Variants in REM1 observed in about 807,000 individuals in gnomAD.
The protein encoded by REM1 is RRAD and GEM like GTPase 1.
In REM1, 20 loss-of-function variants were observed where a neutral mutation model predicts 27.0. The ratio of observed to expected loss-of-function variants is 0.74; its 90% CI spans 0.52 to 1.08. The LOEUF is 1.08. Among genes scored for constraint, REM1 ranks in the 50% least tolerant of loss-of-function variants. The probability of loss-of-function intolerance (pLI) is 0.00; values close to 1 mark genes in which losing one functional copy is unlikely to be tolerated. For synonymous variants in REM1, 159 were observed against 167.9 expected (o/e 0.95, Z 0.41); for missense variants, 405 against 407.0 (o/e 1.00, Z 0.04).
chr20:31,480,234 G>GACAGATAC (rs1348143349), intron 3 of REM1, among the ~76,000 whole-genome samples: 16 of 138,296 alleles, frequency 1.2e-4, no homozygotes, highest in African/African-American at 4.2e-4. Flanking sequence ...TAGATAGACA[G>GACAGATAC]ATACATACAT....
At position 31,484,452 on chromosome 20, in the gene REM1, T is replaced by C. The variant is rs1176591871; in HGVS notation, c.*22T>C. The C allele has an allele frequency of 6.8e-7, 1 of 1,462,438 alleles. No individual in the cohort carries two copies. The highest frequency in any genetic ancestry group is 9.0e-7 in the Non-Finnish European group (1 of 1,105,302). 90.6% of individuals were successfully genotyped at this position (1,462,438 alleles called of 1,614,324 possible). A position where few individuals can be genotyped will look rare whatever the true frequency, so the allele number is the denominator to read the frequency against. ...CTGAAGCCCCCCGCCCTTCTGAGAGTTGGCGGGTCACTGAGGTGCATTCTG... is the reference window on the plus strand; with the variant it reads ...CTGAAGCCCCCCGCCCTTCTGAGAGCTGGCGGGTCACTGAGGTGCATTCTG... On this transcript the variant is annotated 3_prime_UTR_variant, in exon 5 of 5. Coordinates refer to ENST00000201979, the MANE Select transcript of REM1 (RefSeq NM_014012.6).
chr20:31,480,725 A>G (rs1283727759), intron 3 of REM1, among the ~76,000 whole-genome samples: 3 of 152,188 alleles, frequency 2.0e-5, no homozygotes, highest in African/African-American at 7.2e-5. Context: ...CTCCAAAAAT[A>G]TTTGTGCAAT....
rs1980517763 is a variant in REM1, at chr20:31,476,669, G to T, written c.224G>T (p.Gly75Val). 1.2e-6 allele frequency: 2 copies of T among 1,614,166 alleles called. No homozygotes were observed. Among genetic ancestry groups the T allele is most frequent in the Non-Finnish European group, 1.7e-6 (2 of 1,180,024 alleles). The change falls in exon 2 of 5, where the codon GGC (glycine) becomes GTC (valine). Residue 75 changes from glycine to valine, a missense_variant. Physicochemically the swap from Gly to Val is moderately radical, Grantham distance 109 (BLOSUM62 -3). Transcript: ENST00000201979. ...TCTTCTGAATCCAGCGACTCTGAAG[G>T]CTCCTGGGAGGCTCTCTACCGTGTG... The part of the protein sequence containing the change: ...DWSSESSDSE[G>V]SWEALYRVVL...
chr20:31,477,723 G>A, intron 2 of REM1, 105 bp from the exon 3 acceptor site: 1 of 777,780 alleles, frequency 1.3e-6, no homozygotes, highest in South Asian at 1.5e-5. Context: ...GCGTTTCCGA[G>A]GACAAGTGGA....
intron 1 of REM1, among the ~76,000 whole-genome samples, 187 bp from the exon 2 acceptor site, chr20:31,476,040 T>A (rs757198802): frequency 9.2e-5 from 14 of 152,126 alleles, no homozygotes; most frequent in Admixed American, 2.0e-4. Context: ...TCATGTTCTG[T>A]GGCAAGGGCA....
intron 3 of REM1, among the ~76,000 whole-genome samples, chr20:31,481,167 G>A (rs1229496806): frequency 6.6e-6 from 1 of 152,140 alleles, no homozygotes; most frequent in East Asian, 1.9e-4. Context: ...CAGCTACTCA[G>A]GAAGCCGAGG....
chr20:31,476,360 G>C lies in REM1; in HGVS notation c.-86G>C, dbSNP rs1600573914. 1 of 1,087,462 alleles carries C rather than the reference G, an allele frequency of 9.2e-7. No homozygotes were observed. Among genetic ancestry groups the C allele is most frequent in the East Asian group, 2.4e-5 (1 of 42,186 alleles). 67.4% of individuals were successfully genotyped at this position (1,087,462 alleles called of 1,614,324 possible). ...GCAGCTCATCAGGACACTATAGAAAGAAGCAGCTCAAAGCAATTGGCTGAC... is the reference window on the plus strand; with the variant it reads ...GCAGCTCATCAGGACACTATAGAAACAAGCAGCTCAAAGCAATTGGCTGAC... On this transcript the variant is annotated 5_prime_UTR_variant, in exon 2 of 5. Coordinates refer to ENST00000201979, the MANE Select transcript of REM1 (RefSeq NM_014012.6).
chr20:31,477,462 C>T (rs982895855), intron 2 of REM1, among the ~76,000 whole-genome samples: 3 of 152,118 alleles, frequency 2.0e-5, no homozygotes, highest in Non-Finnish European at 2.9e-5. Context: ...CTTCTCTCTC[C>T]GAGTGAGAAC....
At chr20:31,482,136 A>T (rs1980752110) in intron 3 of REM1, 151 bp from the exon 4 acceptor site, 1 of 645,746 alleles carries the variant, frequency 1.5e-6, no homozygotes, top group Non-Finnish European at 2.6e-6. Context: ...TCCCAAGGTG[A>T]CACAGGGAAT....
In REM1 at chr20:31,476,727, C is replaced by A. The variant is rs1980522315; in HGVS notation, c.282C>A (p.Thr94=). The A allele has an allele frequency of 6.2e-7, 1 of 1,613,964 alleles. No homozygotes were observed. Among genetic ancestry groups the A allele is most frequent in the Non-Finnish European group, 8.5e-7 (1 of 1,179,948 alleles). The part of the protein sequence containing the change: ...VLLGDPGVGK[T]SLASLFAGKQ... ...TTGGAGATCCTGGAGTGGGGAAGAC[C>A]AGCTTGGCCAGCCTCTTTGCAGGGA... Residue 94 remains threonine, a synonymous_variant, in exon 2 of 5, where the codon ACC becomes ACA. Transcript: ENST00000201979.
At chr20:31,480,547 T>C (rs1980696667) in intron 3 of REM1, among the ~76,000 whole-genome samples, 1 of 152,086 alleles carries the variant, frequency 6.6e-6, no homozygotes, top group South Asian at 2.1e-4. Flanking sequence ...GGTCTCGAAC[T>C]CCTGACCTCA....
At chr20:31,477,728 A>C (rs1246441460) in intron 2 of REM1, 100 bp from the exon 3 acceptor site, 1 of 810,998 alleles carries the variant, frequency 1.2e-6, no homozygotes, top group African/African-American at 1.7e-5. Context: ...TCCGAGGACA[A>C]GTGGAGGGGG....
chr20:31,476,380 G>A lies in REM1; in HGVS notation c.-66G>A. 7.6e-7 allele frequency: 1 copy of A among 1,322,506 alleles called. No individual in the cohort carries two copies. Among genetic ancestry groups the A allele is most frequent in the Non-Finnish European group, 1.0e-6 (1 of 954,330 alleles). The allele number at this position is 1,322,506 out of a possible 1,614,324, so 81.9% of individuals were successfully genotyped here. ...AGAAAGAAGCAGCTCAAAGCAATTGGCTGACAGCCAATTCCCCCTTCTTTC... is the reference window on the plus strand; with the variant it reads ...AGAAAGAAGCAGCTCAAAGCAATTGACTGACAGCCAATTCCCCCTTCTTTC... On this transcript the variant is annotated 5_prime_UTR_variant, in exon 2 of 5. Transcript: ENST00000201979.
At chr20:31,477,319 C>G (rs1358604732) in intron 2 of REM1, among the ~76,000 whole-genome samples, 2 of 151,902 alleles carry the variant, frequency 1.3e-5, no homozygotes, top group Non-Finnish European at 2.9e-5. Context: ...TGATGGGGTA[C>G]AGGGAAGATA....
chr20:31,479,195 C>T lies in REM1; in HGVS notation c.423+1285C>T, dbSNP rs539305159. ...GTCCTCGTCTTATGACTGTCCTCCC[C>T]CTCAAGAGCATCACCTTCTGAACCT... is the stretch of plus-strand genomic sequence containing the variant. On this transcript the variant is annotated intron_variant, in intron 3 of 4. Transcript: ENST00000201979. 1.7e-4 allele frequency among the ~76,000 whole-genome samples: 26 copies of T among 152,336 alleles called. 1 individual carries two copies. Among genetic ancestry groups the T allele is most frequent in the African/African-American group, 6.3e-4 (26 of 41,580 alleles).
Position 31,476,378 on chromosome 20 carries a change from T to C in REM1, c.-68T>C. 1 of 1,299,206 alleles carries C rather than the reference T, an allele frequency of 7.7e-7. No individual in the cohort carries two copies. 80.5% of individuals were successfully genotyped at this position (1,299,206 alleles called of 1,614,324 possible). A position where few individuals can be genotyped will look rare whatever the true frequency, so the allele number is the denominator to read the frequency against. On this transcript the variant is annotated 5_prime_UTR_variant, in exon 2 of 5. Transcript: ENST00000201979. ...ATAGAAAGAAGCAGCTCAAAGCAAT[T>C]GGCTGACAGCCAATTCCCCCTTCTT...
chr20:31,476,354 T>C lies in REM1; in HGVS notation c.-92T>C, dbSNP rs1374181970. On this transcript the variant is annotated 5_prime_UTR_variant, in exon 2 of 5. An upstream open reading frame in the 5' UTR loses its in-frame stop. Coordinates refer to ENST00000201979, the MANE Select transcript of REM1 (RefSeq NM_014012.6). ...CATACAGCAGCTCATCAGGACACTA[T>C]AGAAAGAAGCAGCTCAAAGCAATTG... The C allele has an allele frequency of 6.8e-6, 7 of 1,035,842 alleles. No homozygotes were observed. Among genetic ancestry groups the C allele is most frequent in the African/African-American group, 3.2e-5 (2 of 62,050 alleles). 64.2% of individuals were successfully genotyped at this position (1,035,842 alleles called of 1,614,324 possible).
intron 2 of REM1, 113 bp from the exon 3 acceptor site, chr20:31,477,715 G>A (rs547324757): frequency 1.2e-4 from 85 of 726,620 alleles, no homozygotes; most frequent in Admixed American, 6.3e-4. Context: ...TGTGATAAGC[G>A]TTTCCGAGGA....
intron 3 of REM1, among the ~76,000 whole-genome samples, chr20:31,478,218 A>G (rs1980595292): frequency 7.9e-6 from 1 of 126,314 alleles, no homozygotes; most frequent in Non-Finnish European, 1.6e-5. Context: ...GTACAGAAGG[A>G]ACGCTGGATT....
Sources: allele counts gnomAD v4.1 joint callset (sites outside exome capture counted in the v4.1 genomes callset), GRCh38; gene constraint gnomAD v4.1.1; transcripts MANE v1.5; gene names NCBI Gene and HGNC (gene_info 2026-07-23, HGNC 2026-07-21).